Variants in XIRP2 observed in about 807,000 individuals in gnomAD.
XIRP2 encodes xin actin binding repeat containing 2.
Under a neutral mutation model 277.0 loss-of-function variants are expected in XIRP2, and 236 were observed. The observed-to-expected ratio is 0.85, with a 90% CI of 0.77 to 0.95. XIRP2 has a LOEUF of 0.95. XIRP2 is among the 40% of genes least tolerant of loss of function. XIRP2 has a pLI of 0.00. For synonymous variants in XIRP2, 1,490 were observed against 1,416.5 expected, an observed-to-expected ratio of 1.05 and a Z score of -1.17; for missense variants, 4,640 against 4,157.5, an observed-to-expected ratio of 1.12 and a Z score of -3.19.
intron 2 of XIRP2, among the ~76,000 whole-genome samples, chr2:167,074,026 A>G (rs957899536): frequency 6.6e-6 from 1 of 152,186 alleles, no homozygotes; most frequent in Non-Finnish European, 1.5e-5. Context: ...ACTCCATGAG[A>G]CACTATTATA....
chr2:166,983,052 GT>G (rs1296476387), intron 2 of XIRP2, among the ~76,000 whole-genome samples: 1 of 152,042 alleles, frequency 6.6e-6, no homozygotes, highest in Non-Finnish European at 1.5e-5. Flanking sequence ...GGCTTTTGCT[GT>G]TGCTATTGTT....
At chr2:167,142,748 C>T (rs1048437113) in intron 3 of XIRP2, among the ~76,000 whole-genome samples, 2 of 151,990 alleles carry the variant, frequency 1.3e-5, no homozygotes, top group Non-Finnish European at 2.9e-5. Context: ...AAAATAAAGA[C>T]GTTAGAAGTT....
intron 5 of XIRP2, among the ~76,000 whole-genome samples, chr2:167,231,227 A>T (rs556494391): frequency 6.6e-6 from 1 of 152,136 alleles, no homozygotes; most frequent in African/African-American, 2.4e-5. Context: ...TCTCCCAGTG[A>T]AAAGGACTGA....
chr2:167,218,407 T>G (rs1397116384), intron 5 of XIRP2, 107 bp downstream of exon 5: 1 of 1,068,432 alleles, frequency 9.4e-7, no homozygotes, highest in Admixed American at 3.7e-5. Flanking sequence ...TTTTCATTAC[T>G]CATTAACAAA....
intron 2 of XIRP2, among the ~76,000 whole-genome samples, chr2:167,055,331 C>T (rs1000778148): frequency 2.0e-5 from 3 of 152,084 alleles, no homozygotes; most frequent in African/African-American, 7.2e-5. Flanking sequence ...GTAACTCAGC[C>T]CAACTGCTTC....
At chr2:167,106,939 GTAT>G (rs1209203924) in intron 2 of XIRP2, among the ~76,000 whole-genome samples, 1 of 150,686 alleles carries the variant, frequency 6.6e-6, no homozygotes, top group African/African-American at 2.4e-5. Flanking sequence ...AAATGATATT[GTAT>G]TATTAATTTC....
chr2:167,249,306 T>A lies in XIRP2; in HGVS notation c.7914T>A (p.Ala2638=), dbSNP rs1404313619. 6.2e-7 allele frequency: 1 copy of A among 1,613,808 alleles called. No homozygotes were observed. The highest frequency in any genetic ancestry group is 1.7e-5 in the Admixed American group (1 of 59,984). The change falls in exon 9 of 11, where the codon GCT becomes GCA. Residue 2638 remains alanine, a synonymous_variant. Coordinates refer to ENST00000409195, the MANE Select transcript of XIRP2 (RefSeq NM_152381.6). The stretch of plus-strand genomic sequence containing the variant: ...CCACAACATCGCCAGAAACAGTCGC[T>A]GCCAAGAGGCTCCACCATGTTTTAG... ...QLSTTSPETV[A]AKRLHHVLAA... is the part of the protein sequence containing the mutation.
At chr2:167,133,305 C>A (rs947542825) in intron 2 of XIRP2, among the ~76,000 whole-genome samples, 6 of 152,222 alleles carry the variant, frequency 3.9e-5, no homozygotes, top group Admixed American at 3.3e-4. Flanking sequence ...AATTCAGCCT[C>A]ATCCAAGAAG....
chr2:166,926,837 A>G (rs1274999852), intron 2 of XIRP2, among the ~76,000 whole-genome samples: 1 of 152,134 alleles, frequency 6.6e-6, no homozygotes, highest in Non-Finnish European at 1.5e-5. Flanking sequence ...GAATCTACAA[A>G]TAAATAAACC....
intron 2 of XIRP2, among the ~76,000 whole-genome samples, chr2:167,072,314 T>C (rs116345204): frequency 0.015 from 2,295 of 152,276 alleles, 14 homozygotes; most frequent in Admixed American, 0.024. Context: ...TCTATATGTA[T>C]AATACCAAGC....
In XIRP2 at chr2:167,239,854, G is replaced by C; in HGVS notation, c.859-1G>C. 1.9e-6 allele frequency: 3 copies of C among 1,599,976 alleles called. No homozygotes were observed. The highest frequency in any genetic ancestry group is 2.6e-6 in the Non-Finnish European group (3 of 1,174,982). The stretch of plus-strand genomic sequence containing the variant: ...TTGTCTGTCTGTCTGTGTGCTTTCA[G>C]GAGGCAATTCATAGCAGCCAGGTTG... On this transcript the variant is annotated splice_acceptor_variant, in intron 5 of 10. Transcript: ENST00000409195. LOFTEE classifies it high-confidence loss of function.
intron 3 of XIRP2, among the ~76,000 whole-genome samples, chr2:167,144,859 C>T (rs557913224): frequency 1.1e-4 from 16 of 152,218 alleles, no homozygotes; most frequent in Non-Finnish European, 1.8e-4. Context: ...CTAGATTTTG[C>T]ATAGAATAAT....
rs747102883 is a variant in XIRP2 at position 167,250,555 on chromosome 2, A to G, written c.9163A>G (p.Lys3055Glu). The G allele has an allele frequency of 1.1e-5, 18 of 1,613,524 alleles. No homozygotes were observed. The African/African-American group carries it at 2.4e-4, about 22-fold the overall frequency. ...CACTAGTCTTGATGAAACATCATCC[A>G]AAGTATCTAATGTTCATGTCAGCAA... ...KPTSLDETSSKVSNVHVSNNK... is the reference protein window; with the variant it reads ...KPTSLDETSSEVSNVHVSNNK... Residue 3055 changes from lysine to glutamate, a missense_variant, in exon 9 of 11, where the codon AAA becomes GAA. Lys to Glu is a moderately conservative substitution (Grantham distance 56). Transcript: ENST00000409195.
intron 2 of XIRP2, among the ~76,000 whole-genome samples, chr2:167,051,954 A>C (rs1688924572): frequency 6.6e-6 from 1 of 152,096 alleles, no homozygotes. Flanking sequence ...ACTATAAGGA[A>C]ATCTCATTAA....
chr2:166,916,095 G>A (rs1684869978), intron 2 of XIRP2, among the ~76,000 whole-genome samples: 1 of 152,168 alleles, frequency 6.6e-6, no homozygotes, highest in South Asian at 2.1e-4. Context: ...TTCAGCATAT[G>A]TGAGTGTCAT....
intron 2 of XIRP2, among the ~76,000 whole-genome samples, chr2:167,089,182 A>T (rs1425988464): frequency 6.6e-6 from 1 of 152,126 alleles, no homozygotes; most frequent in African/African-American, 2.4e-5. Flanking sequence ...CCAGCATCAC[A>T]TGTAGAGAGG....
chr2:167,026,164 G>A (rs1430553692), intron 2 of XIRP2, among the ~76,000 whole-genome samples: 1 of 152,152 alleles, frequency 6.6e-6, no homozygotes, highest in Non-Finnish European at 1.5e-5. Flanking sequence ...ATATATTTAG[G>A]ATAGTTAGCT....
chr2:167,176,812 T>G (rs1172828625), intron 3 of XIRP2, among the ~76,000 whole-genome samples: 4 of 152,228 alleles, frequency 2.6e-5, no homozygotes, highest in Non-Finnish European at 5.9e-5. Context: ...GTTTAGCAAG[T>G]CCTGGTAGTT....
At chr2:167,088,936 A>G (rs1332221960) in intron 2 of XIRP2, among the ~76,000 whole-genome samples, 1 of 152,162 alleles carries the variant, frequency 6.6e-6, no homozygotes, top group African/African-American at 2.4e-5. Context: ...CCCTACTAGA[A>G]TGTAACCTCC....
Sources: gnomAD v4.1 joint callset for allele counts (sites outside exome capture counted in the v4.1 genomes callset) on GRCh38, gnomAD v4.1.1 for gene constraint, MANE v1.5 for transcripts, NCBI Gene and HGNC (gene_info 2026-07-23, HGNC 2026-07-21) for gene names.